The following PLXNA4 variants were observed in gnomAD, a reference collection of about 807,000 sequenced individuals.
PLXNA4 encodes plexin-A4.
In PLXNA4, 44 loss-of-function variants were observed where a neutral mutation model predicts 191.8. That is an observed-to-expected ratio of 0.23 (90% CI 0.18 to 0.29). The LOEUF is 0.29. PLXNA4 is among the 10% of genes least tolerant of loss of function. PLXNA4 has a pLI of 1.00. For missense variants in PLXNA4, 1,800 were observed against 2,488.8 expected, an observed-to-expected ratio of 0.72 and a Z score of 5.89; for synonymous variants, 1,082 against 1,009.5, an observed-to-expected ratio of 1.07 and a Z score of -1.36.
chr7:132,158,907 T>C (rs1257177733), intron 25 of PLXNA4, among the ~76,000 whole-genome samples: 1 of 152,224 alleles, frequency 6.6e-6, no homozygotes, highest in Admixed American at 6.5e-5. Context: ...CTGGGAGATA[T>C]ATTCATGTAA....
At chr7:132,513,685 G>A (rs1211562392) in intron 1 of PLXNA4, among the ~76,000 whole-genome samples, 1 of 152,110 alleles carries the variant, frequency 6.6e-6, no homozygotes, top group Non-Finnish European at 1.5e-5. Flanking sequence ...GTTTTGTTTT[G>A]TTTTTGAGAT....
intron 2 of PLXNA4, among the ~76,000 whole-genome samples, chr7:132,625,691 T>C (rs1157804647): frequency 6.6e-6 from 1 of 152,112 alleles, no homozygotes; most frequent in African/African-American, 2.4e-5. Flanking sequence ...TGTAAAGGAG[T>C]AAAATAATTT....
At chr7:132,646,349 C>CT (rs1281597390) in intron 1 of PLXNA4, among the ~76,000 whole-genome samples, 1 of 152,172 alleles carries the variant, frequency 6.6e-6, no homozygotes, top group Non-Finnish European at 1.5e-5. Flanking sequence ...TGGGAAGTCT[C>CT]TTTTGTATTC....
chr7:132,200,860 T>C (rs911917259), intron 12 of PLXNA4, among the ~76,000 whole-genome samples: 5 of 152,238 alleles, frequency 3.3e-5, no homozygotes, highest in Non-Finnish European at 5.9e-5. Context: ...GGTTAGAGTA[T>C]GTGTGCCTCT....
intron 2 of PLXNA4, among the ~76,000 whole-genome samples, chr7:132,605,047 T>G (rs2116845286): frequency 6.6e-6 from 1 of 152,320 alleles, no homozygotes. Context: ...GCACTCACAA[T>G]AAAATTAACA....
At chr7:132,176,991 ATG>A (rs1796491769) in intron 20 of PLXNA4, among the ~76,000 whole-genome samples, 1 of 152,060 alleles carries the variant, frequency 6.6e-6, no homozygotes, top group Non-Finnish European at 1.5e-5. Flanking sequence ...GCATGTGTGC[ATG>A]TGAGTGCATG....
chr7:132,207,153 G>A (rs1336975674), intron 10 of PLXNA4, among the ~76,000 whole-genome samples: 1 of 152,006 alleles, frequency 6.6e-6, no homozygotes, highest in African/African-American at 2.4e-5. Context: ...ACAAGAAGCT[G>A]GTATGTACAC....
At chr7:132,137,906 G>A (rs1315784715) in intron 30 of PLXNA4, among the ~76,000 whole-genome samples, 4 of 151,708 alleles carry the variant, frequency 2.6e-5, no homozygotes, top group Admixed American at 6.6e-5. Flanking sequence ...CGGATGAGAG[G>A]ATGAGTATGA....
chr7:132,312,343 T>C (rs1801777696), intron 3 of PLXNA4, among the ~76,000 whole-genome samples: 3 of 152,154 alleles, frequency 2.0e-5, no homozygotes, highest in Admixed American at 6.5e-5. Flanking sequence ...AATTAAACTA[T>C]TGATCTCCCA....
At chr7:132,439,553 C>A (rs147183207) in intron 3 of PLXNA4, among the ~76,000 whole-genome samples, 253 of 152,248 alleles carry the variant, frequency 1.7e-3, no homozygotes, top group African/African-American at 5.9e-3. Context: ...AGCTACCCTT[C>A]CCAGTCACCT....
chr7:132,553,649 T>C (rs1187657988), intron 1 of PLXNA4, among the ~76,000 whole-genome samples: 1 of 152,200 alleles, frequency 6.6e-6, no homozygotes, highest in South Asian at 2.1e-4. Context: ...ATGGTTTCTT[T>C]GGGTCAAGCA....
intron 14 of PLXNA4, among the ~76,000 whole-genome samples, chr7:132,188,025 AT>A (rs1796936858): frequency 1.3e-5 from 2 of 151,894 alleles, no homozygotes; most frequent in South Asian, 2.1e-4. Flanking sequence ...AAAAAAAAAA[AT>A]GGCATAACTG....
chr7:132,310,251 C>A (rs74744332), intron 3 of PLXNA4, among the ~76,000 whole-genome samples: 1 of 152,184 alleles, frequency 6.6e-6, no homozygotes, highest in Non-Finnish European at 1.5e-5. Flanking sequence ...CAGTTCAGCA[C>A]CTGATACATG....
intron 4 of PLXNA4, among the ~76,000 whole-genome samples, chr7:132,274,090 A>G (rs1463899970): frequency 1.3e-5 from 2 of 152,110 alleles, no homozygotes; most frequent in African/African-American, 4.8e-5. Context: ...TATGTATTGT[A>G]TAATTCCATT....
chr7:132,452,993 C>T (rs1167931213), intron 3 of PLXNA4, among the ~76,000 whole-genome samples: 1 of 152,148 alleles, frequency 6.6e-6, no homozygotes, highest in Non-Finnish European at 1.5e-5. Context: ...TCTGCATCTG[C>T]CTCCTCCTAA....
intron 2 of PLXNA4, 150 bp downstream of exon 2, chr7:132,507,356 T>C (rs1183775983): frequency 3.5e-6 from 3 of 863,298 alleles, no homozygotes; most frequent in Non-Finnish European, 5.2e-6. Flanking sequence ...TTGGTGACAC[T>C]CTGGGTCCAA....
chr7:132,422,832 A>G (rs114024853), intron 3 of PLXNA4, among the ~76,000 whole-genome samples: 2,436 of 152,272 alleles, frequency 0.016, 33 homozygotes, highest in African/African-American at 0.038. Context: ...TGGGCAGAGG[A>G]TCATAAAGAT....
chr7:132,433,737 C>A (rs1344422803), intron 3 of PLXNA4, among the ~76,000 whole-genome samples: 1 of 152,148 alleles, frequency 6.6e-6, no homozygotes, highest in East Asian at 1.9e-4. Flanking sequence ...TATCCGCGAC[C>A]TCCTGAGCAA....
intron 3 of PLXNA4, among the ~76,000 whole-genome samples, chr7:132,382,344 T>A (rs184266565): frequency 6.6e-6 from 1 of 152,110 alleles, no homozygotes; most frequent in African/African-American, 2.4e-5. Flanking sequence ...AGCTGAGGGG[T>A]GCAGTGTAGA....
Sources: allele counts gnomAD v4.1 joint callset (sites outside exome capture counted in the v4.1 genomes callset), GRCh38; gene constraint gnomAD v4.1.1; transcripts MANE v1.5; gene names NCBI Gene and HGNC (gene_info 2026-07-23, HGNC 2026-07-21).